MAPKAP1: variants seen among roughly 807,000 people sequenced by gnomAD.
The protein encoded by MAPKAP1 is MAPK associated protein 1.
MAPKAP1 carries 20 observed loss-of-function variants against 65.7 expected under a neutral mutation model. The ratio of observed to expected loss-of-function variants is 0.30; its 90% CI spans 0.21 to 0.44. The LOEUF (loss-of-function observed/expected upper bound fraction) is 0.44. MAPKAP1 is among the 20% of genes least tolerant of loss of function. MAPKAP1 has a pLI of 1.00. For synonymous variants in MAPKAP1, 222 were observed against 244.3 expected (o/e 0.91, Z 0.85); for missense variants, 423 against 648.0 (o/e 0.65, Z 3.77).
chr9:125,690,666 G>A (rs1835138801), intron 1 of MAPKAP1, among the ~76,000 whole-genome samples: 1 of 152,096 alleles, frequency 6.6e-6, no homozygotes, highest in South Asian at 2.1e-4. Flanking sequence ...ATTATTCCCT[G>A]GTCTAAGATG....
rs1180585845 is a variant in MAPKAP1 at position 125,650,794 on chromosome 9, A to C, written c.498+6857T>G. Among the ~76,000 whole-genome samples the C allele has an allele frequency of 3.3e-5, 5 of 152,322 alleles. No individual in the cohort carries two copies. The East Asian group carries it at 9.6e-4, about 29-fold the overall frequency. The stretch of plus-strand genomic sequence containing the variant: ...GGATTTAACTTCTATGAGAAGTAGA[A>C]TGCCGAAAACATTTTGTTGTGATTC... On this transcript the variant is annotated intron_variant, in intron 4 of 11. Coordinates refer to ENST00000265960, the MANE Select transcript of MAPKAP1 (RefSeq NM_001006617.3).
chr9:125,597,268 A>AG (rs1832164205), intron 4 of MAPKAP1, among the ~76,000 whole-genome samples: 1 of 144,376 alleles, frequency 6.9e-6, no homozygotes, highest in Non-Finnish European at 1.5e-5. Context: ...CCGTCTCAAA[A>AG]AAAAAAAAAA....
chr9:125,498,847 G>C (rs1383574943), intron 8 of MAPKAP1, among the ~76,000 whole-genome samples: 3 of 152,054 alleles, frequency 2.0e-5, no homozygotes, highest in Non-Finnish European at 4.4e-5. Context: ...TTTCCATTCT[G>C]GGTCACCCCC....
intron 10 of MAPKAP1, among the ~76,000 whole-genome samples, chr9:125,459,499 C>T (rs564601555): frequency 1.5e-4 from 22 of 151,310 alleles, no homozygotes; most frequent in Admixed American, 2.6e-4. Flanking sequence ...GCCGAGATCA[C>T]GCCACTGCAC....
At chr9:125,521,429 C>A in intron 7 of MAPKAP1, 1 of 1,079,700 alleles carries the variant, frequency 9.3e-7, no homozygotes, top group Non-Finnish European at 1.1e-6. Flanking sequence ...CCAAATTTTA[C>A]ATACAGTTAT....
Position 125,447,986 on chromosome 9 carries a change from G to A in MAPKAP1, c.1346-3388C>T, listed in dbSNP as rs771338584. ...GTGGCAGGCAGGTGGGAGGGAGAGG[G>A]ACACAAAGGGCTGAGAGTGCCTGGA... On this transcript the variant is annotated intron_variant, in intron 10 of 11. Transcript: ENST00000265960. This position sits in a 1 kb window ranked among gnomAD's most constrained non-coding sequence, Gnocchi z 4.5. 7.9e-5 allele frequency among the ~76,000 whole-genome samples: 12 copies of A among 152,198 alleles called. No individual in the cohort carries two copies. In the South Asian group the frequency reaches 1.2e-3, roughly 16 times the overall value.
chr9:125,624,579 G>A (rs1361057783), intron 4 of MAPKAP1, among the ~76,000 whole-genome samples: 1 of 51,536 alleles, frequency 1.9e-5, no homozygotes. Flanking sequence ...TCAGCCCCCC[G>A]CCCGGCCAGC....
rs955739187 is a variant in MAPKAP1 at position 125,437,641 on chromosome 9, G to A, written c.*1246C>T. 1.3e-5 allele frequency: 2 copies of A among 152,708 alleles called. No individual in the cohort carries two copies. The highest frequency in any genetic ancestry group is 4.8e-5 in the African/African-American group (2 of 41,572). The allele number at this position is 152,708 out of a possible 1,614,324, so 9.5% of individuals were successfully genotyped here. ...GAATGAAAGAAGAATTCATCAGCAT[G>A]ACCCCTTGTGCAAAGAAATACACTC... is the stretch of plus-strand genomic sequence containing the variant. On this transcript the variant is annotated 3_prime_UTR_variant, in exon 12 of 12. Transcript: ENST00000265960.
chr9:125,699,522 T>C (rs1835533823), intron 1 of MAPKAP1, among the ~76,000 whole-genome samples: 1 of 152,162 alleles, frequency 6.6e-6, no homozygotes, highest in Non-Finnish European at 1.5e-5. Flanking sequence ...AATAATTTTA[T>C]GCATGAAATA....
At chr9:125,478,676 G>T (rs1854195853) in intron 9 of MAPKAP1, among the ~76,000 whole-genome samples, 1 of 152,142 alleles carries the variant, frequency 6.6e-6, no homozygotes, top group South Asian at 2.1e-4. Flanking sequence ...CCTGTGGTAT[G>T]ACAGATTGGG....
intron 9 of MAPKAP1, among the ~76,000 whole-genome samples, chr9:125,477,173 A>G (rs1308634265): frequency 2.0e-5 from 3 of 152,280 alleles, no homozygotes; most frequent in Non-Finnish European, 4.4e-5. Context: ...TGTATATCTT[A>G]TACAGAATTA....
At chr9:125,623,780 C>A (rs1589354951) in intron 4 of MAPKAP1, among the ~76,000 whole-genome samples, 5 of 57,356 alleles carry the variant, frequency 8.7e-5, no homozygotes, top group Non-Finnish European at 1.8e-4. Context: ...CCCCGCCCGG[C>A]CAGCCGTGCC....
intron 7 of MAPKAP1, among the ~76,000 whole-genome samples, chr9:125,539,716 A>C (rs1589269399): frequency 1.3e-5 from 2 of 152,352 alleles, no homozygotes; most frequent in South Asian, 4.1e-4. Context: ...TATGTCAAAA[A>C]CACACCCACC....
At chr9:125,698,867 T>C (rs1406250000) in intron 1 of MAPKAP1, among the ~76,000 whole-genome samples, 1 of 152,170 alleles carries the variant, frequency 6.6e-6, no homozygotes, top group Non-Finnish European at 1.5e-5. Flanking sequence ...CAATACAGTA[T>C]GTAGGTGCAC....
At chr9:125,517,110 T>C (rs927450678) in intron 7 of MAPKAP1, among the ~76,000 whole-genome samples, 13 of 152,146 alleles carry the variant, frequency 8.5e-5, no homozygotes, top group Non-Finnish European at 1.6e-4. Flanking sequence ...AGGACGAGAA[T>C]GCAAGTTTTT....
chr9:125,496,168 C>A (rs1019644424), intron 8 of MAPKAP1, among the ~76,000 whole-genome samples: 4 of 152,184 alleles, frequency 2.6e-5, no homozygotes, highest in African/African-American at 9.7e-5. Context: ...AAATATCCTG[C>A]CTTTATAGTG....
chr9:125,492,583 A>T (rs1854774850), intron 8 of MAPKAP1, among the ~76,000 whole-genome samples: 1 of 152,240 alleles, frequency 6.6e-6, no homozygotes. Context: ...TATTTCAAAC[A>T]AATAGGACTA....
chr9:125,686,269 G>A (rs1834970926), intron 1 of MAPKAP1, among the ~76,000 whole-genome samples: 1 of 145,420 alleles, frequency 6.9e-6, no homozygotes, highest in Non-Finnish European at 1.5e-5. Flanking sequence ...CCGAGATAGA[G>A]CCACTGCACT....
At chr9:125,570,922 T>TA (rs35868224) in intron 5 of MAPKAP1, among the ~76,000 whole-genome samples, 267 of 143,022 alleles carry the variant, frequency 1.9e-3, no homozygotes, top group Middle Eastern at 3.6e-3. Context: ...TGCTCTTTCA[T>TA]AAAAAAAAAA....
Sources: allele counts gnomAD v4.1 joint callset (sites outside exome capture counted in the v4.1 genomes callset), GRCh38; gene constraint gnomAD v4.1.1; non-coding constraint Gnocchi (gnomAD v3.1); transcripts MANE v1.5; gene names NCBI Gene and HGNC (gene_info 2026-07-23, HGNC 2026-07-21).